The following SCFD2 variants were observed in gnomAD, a reference collection of about 807,000 sequenced individuals.
SCFD2 encodes the protein sec1 family domain containing 2.
SCFD2 carries 54 observed loss-of-function variants against 58.9 expected under a neutral mutation model. The ratio of observed to expected loss-of-function variants is 0.92; its 90% CI spans 0.74 to 1.15. The LOEUF (loss-of-function observed/expected upper bound fraction) is 1.15, where lower values mean the gene tolerates loss of function less well. Among genes scored for constraint, SCFD2 ranks in the 50% most tolerant of loss-of-function variants. The pLI is 0.00. For synonymous variants in SCFD2, 321 were observed against 335.9 expected (o/e 0.96, Z 0.49); for missense variants, 805 against 836.6 (o/e 0.96, Z 0.47).
At chr4:53,262,597 G>A (rs992645096) in intron 4 of SCFD2, among the ~76,000 whole-genome samples, 1 of 152,210 alleles carries the variant, frequency 6.6e-6, no homozygotes, top group African/African-American at 2.4e-5. Flanking sequence ...CTTCTAGCTT[G>A]TAGGATTTCT....
chr4:52,888,174 A>C (rs929579884), intron 7 of SCFD2, among the ~76,000 whole-genome samples: 2 of 152,068 alleles, frequency 1.3e-5, no homozygotes, highest in African/African-American at 4.8e-5. Flanking sequence ...CCTCCCAATC[A>C]ACATCTTATT....
rs571597521 is a variant in SCFD2, at chr4:53,212,559, A to G, written c.1311+61267T>C. Among the ~76,000 whole-genome samples, 38 of 142,208 alleles carry G rather than the reference A, an allele frequency of 2.7e-4. 1 individual carries two copies. The highest frequency in any genetic ancestry group is 7.8e-4 in the African/African-American group (29 of 37,234). 93.3% of individuals were successfully genotyped at this position (142,208 alleles called of 152,430 possible). Reference sequence around the variant, plus strand: ...GTATTAAGGAGATGGTAAGAGAGAGAGGAAGAAAGTGAGCACGTGTGTGTG... The same window carrying G: ...GTATTAAGGAGATGGTAAGAGAGAGGGGAAGAAAGTGAGCACGTGTGTGTG... On this transcript the variant is annotated intron_variant, in intron 4 of 8. Coordinates refer to ENST00000401642, the MANE Select transcript of SCFD2 (RefSeq NM_152540.4).
intron 2 of SCFD2, among the ~76,000 whole-genome samples, chr4:53,320,210 G>A (rs1732985572): frequency 6.6e-6 from 1 of 152,202 alleles, no homozygotes; most frequent in Admixed American, 6.5e-5. Context: ...TCAGGTTGCT[G>A]TGAACTCCAA....
At position 53,273,950 on chromosome 4, in the gene SCFD2, T is replaced by C. The variant is rs746167641; in HGVS notation, c.1187A>G (p.Asn396Ser). 12 of 1,613,672 alleles carry C rather than the reference T, an allele frequency of 7.4e-6. No individual in the cohort carries two copies. Among genetic ancestry groups the C allele is most frequent in the South Asian group, 1.1e-5 (1 of 90,980 alleles). ...LMSYIQLFKNNLKALMNHCGL... is the reference protein window; with the variant it reads ...LMSYIQLFKNSLKALMNHCGL... ...ACAATGATTCATTAGAGCTTTGAGG[T>C]TGTTCTTGAAGAGCTGAATATAGGA... Residue 396 changes from asparagine to serine, a missense_variant, in exon 4 of 9, where the codon AAC becomes AGC. Physicochemically the swap from Asn to Ser is conservative, Grantham distance 46. Around this residue, in one of 3 missense-constraint regions of SCFD2, gnomAD observed 633 missense variants for 646.8 expected, o/e 0.98. Transcript: ENST00000401642.
At position 53,253,063 on chromosome 4, in the gene SCFD2, C is replaced by G. The variant is rs1577900397; in HGVS notation, c.1311+20763G>C. 2.0e-5 allele frequency among the ~76,000 whole-genome samples: 3 copies of G among 152,170 alleles called. No homozygotes were observed. The East Asian group carries it at 5.8e-4, about 29-fold the overall frequency. On this transcript the variant is annotated intron_variant, in intron 4 of 8. Coordinates refer to ENST00000401642, the MANE Select transcript of SCFD2 (RefSeq NM_152540.4). ...ACAAGAAAAAAACAAACAACCCCAC[C>G]AAAAAGTGGAAAAAGGATATGAACA...
intron 4 of SCFD2, among the ~76,000 whole-genome samples, chr4:53,170,539 A>G (rs1727150219): frequency 6.6e-6 from 1 of 152,130 alleles, no homozygotes. Flanking sequence ...TTTCATATGA[A>G]TTTTAGAATG....
chr4:53,165,149 C>T (rs544874964), intron 4 of SCFD2, among the ~76,000 whole-genome samples: 1 of 152,316 alleles, frequency 6.6e-6, no homozygotes, highest in East Asian at 1.9e-4. Flanking sequence ...AATTTTGCAT[C>T]AACTCTGTTT....
intron 8 of SCFD2, among the ~76,000 whole-genome samples, chr4:52,885,334 T>C (rs1352223478): frequency 6.6e-6 from 1 of 152,040 alleles, no homozygotes; most frequent in Non-Finnish European, 1.5e-5. Flanking sequence ...GAATCAAGAA[T>C]AGGGATAACA....
chr4:53,192,904 G>A (rs991707260), intron 4 of SCFD2, among the ~76,000 whole-genome samples: 8 of 152,070 alleles, frequency 5.3e-5, no homozygotes, highest in African/African-American at 7.2e-5. Context: ...CTTTAAGGAT[G>A]TTACACCAAG....
At chr4:53,054,742 C>A (rs1723277478) in intron 5 of SCFD2, among the ~76,000 whole-genome samples, 1 of 152,020 alleles carries the variant, frequency 6.6e-6, no homozygotes. Flanking sequence ...CAGCCTTGAC[C>A]TCCTGGGCTT....
chr4:52,923,477 CAAATAAAT>C (rs57571099), intron 5 of SCFD2, among the ~76,000 whole-genome samples: 290 of 134,426 alleles, frequency 2.2e-3, no homozygotes, highest in African/African-American at 3.9e-3. Context: ...GACTGCATCT[CAAATAAAT>C]AAATAAATAA....
intron 5 of SCFD2, among the ~76,000 whole-genome samples, chr4:53,026,824 C>G (rs1722485411): frequency 6.6e-6 from 1 of 152,138 alleles, no homozygotes. Context: ...AAATTCAAAC[C>G]ATCATTTTTT....
intron 4 of SCFD2, among the ~76,000 whole-genome samples, chr4:53,148,359 A>C (rs902407256): frequency 4.6e-5 from 7 of 152,164 alleles, no homozygotes; most frequent in African/African-American, 1.7e-4. Flanking sequence ...TGTACATGCC[A>C]ATTTCTAAAC....
chr4:52,900,528 G>A (rs936237740), intron 7 of SCFD2, among the ~76,000 whole-genome samples: 14 of 152,340 alleles, frequency 9.2e-5, no homozygotes, highest in East Asian at 3.9e-4. Context: ...GTACCCGGCC[G>A]TGTGAGGTGT....
chr4:52,936,707 C>T (rs1336926095), intron 5 of SCFD2, among the ~76,000 whole-genome samples: 1 of 152,200 alleles, frequency 6.6e-6, no homozygotes. Flanking sequence ...TAGAAGCCAA[C>T]TCCAGAGCAC....
rs534621447 is a variant in SCFD2, at chr4:52,930,136, G to A, written c.1562-9266C>T. On this transcript the variant is annotated intron_variant, in intron 5 of 8. Coordinates refer to ENST00000401642, the MANE Select transcript of SCFD2 (RefSeq NM_152540.4). ...AAGACTACAGTAACCAAAACAGCAT[G>A]GTACTGGTACAAAGACAGACACATA... 2.0e-5 allele frequency among the ~76,000 whole-genome samples: 3 copies of A among 152,194 alleles called. No homozygotes were observed. The South Asian group carries it at 6.2e-4, about 32-fold the overall frequency.
At chr4:53,013,240 A>G (rs1722138161) in intron 5 of SCFD2, among the ~76,000 whole-genome samples, 1 of 152,246 alleles carries the variant, frequency 6.6e-6, no homozygotes, top group Non-Finnish European at 1.5e-5. Context: ...TCAAATCATT[A>G]GCTGATGACA....
At chr4:52,959,484 C>G (rs1720793857) in intron 5 of SCFD2, among the ~76,000 whole-genome samples, 1 of 152,136 alleles carries the variant, frequency 6.6e-6, no homozygotes, top group African/African-American at 2.4e-5. Flanking sequence ...GTACATGATT[C>G]CTAAATCTCA....
At chr4:53,320,045 T>C (rs1732980997) in intron 2 of SCFD2, among the ~76,000 whole-genome samples, 1 of 152,244 alleles carries the variant, frequency 6.6e-6, no homozygotes, top group Non-Finnish European at 1.5e-5. Flanking sequence ...TATTGAAAAC[T>C]ATGTCATAGG....
Sources: gnomAD v4.1 joint callset for allele counts (sites outside exome capture counted in the v4.1 genomes callset) on GRCh38, gnomAD v4.1.1 for gene constraint, gnomAD v4.1.1 regional missense constraint, MANE v1.5 for transcripts, NCBI Gene and HGNC (gene_info 2026-07-23, HGNC 2026-07-21) for gene names.